AK8: variants seen among roughly 807,000 people sequenced by gnomAD.
The protein encoded by AK8 is ATP-AMP transphosphorylase 8.
Under a neutral mutation model 54.6 loss-of-function variants are expected in AK8, and 44 were observed. That is an observed-to-expected ratio of 0.81 (90% confidence interval 0.63 to 1.04). The LOEUF (loss-of-function observed/expected upper bound fraction) is 1.04. AK8 is among the 50% of genes least tolerant of loss of function. AK8 has a pLI of 0.00. For missense variants in AK8, 555 were observed against 613.6 expected (o/e 0.90, Z 1.01); for synonymous variants, 239 against 245.6 (o/e 0.97, Z 0.25).
chr9:132,754,572 C>T (rs958407206), intron 11 of AK8, among the ~76,000 whole-genome samples: 1 of 152,166 alleles, frequency 6.6e-6, no homozygotes, highest in Non-Finnish European at 1.5e-5. Context: ...GTAAAACTTT[C>T]AATGGCCATT....
At chr9:132,767,259 G>C (rs1427554967) in intron 11 of AK8, among the ~76,000 whole-genome samples, 1 of 152,114 alleles carries the variant, frequency 6.6e-6, no homozygotes, top group African/African-American at 2.4e-5. Context: ...GAATACACAG[G>C]AACTCAATAG....
At chr9:132,836,672 C>T (rs538898491) in intron 5 of AK8, among the ~76,000 whole-genome samples, 29 of 152,302 alleles carry the variant, frequency 1.9e-4, no homozygotes, top group African/African-American at 6.5e-4. Flanking sequence ...TGCACCACCA[C>T]GCCCAGCTGG....
chr9:132,783,334 G>A (rs1839560546), intron 11 of AK8, among the ~76,000 whole-genome samples: 1 of 152,168 alleles, frequency 6.6e-6, no homozygotes, highest in Non-Finnish European at 1.5e-5. Context: ...AGGAAGGAAT[G>A]CAGCCCTGGC....
chr9:132,757,465 G>T (rs567653358), intron 11 of AK8, among the ~76,000 whole-genome samples: 1 of 152,316 alleles, frequency 6.6e-6, no homozygotes, highest in East Asian at 1.9e-4. Flanking sequence ...GGGGCCTACT[G>T]GTTAATCCCA....
intron 11 of AK8, among the ~76,000 whole-genome samples, chr9:132,744,669 C>G (rs1029614990): frequency 7.9e-5 from 12 of 152,072 alleles, no homozygotes; most frequent in African/African-American, 2.7e-4. Flanking sequence ...ATCAAGAGAA[C>G]CCCAATATGT....
At chr9:132,834,807 G>A (rs766108515) in intron 5 of AK8, among the ~76,000 whole-genome samples, 46 of 151,936 alleles carry the variant, frequency 3.0e-4, no homozygotes, top group Non-Finnish European at 2.5e-4. Context: ...GCAGCCTACA[G>A]GCCAATGATC....
At chr9:132,814,488 C>T in intron 10 of AK8, 150 bp downstream of exon 10, 2 of 707,420 alleles carry the variant, frequency 2.8e-6, no homozygotes, top group Non-Finnish European at 4.5e-6. Context: ...CGGAAGCAAG[C>T]AGCAGAGCCT....
At chr9:132,874,380 C>T (rs1236414127) in intron 2 of AK8, 1 of 152,324 alleles carries the variant, frequency 6.6e-6, no homozygotes, top group Non-Finnish European at 1.5e-5. Context: ...TCTCTGGGCT[C>T]TGTCCTCAGC....
chr9:132,806,395 T>C (rs1840725992), intron 10 of AK8, among the ~76,000 whole-genome samples: 1 of 152,134 alleles, frequency 6.6e-6, no homozygotes, highest in Admixed American at 6.5e-5. Context: ...ATTATACCCC[T>C]GTGAGTCTAT....
Position 132,878,138 on chromosome 9 carries a change from G to A in AK8, c.84+34C>T. 6.5e-7 allele frequency: 1 copy of A among 1,534,784 alleles called. No homozygotes were observed. The highest frequency in any genetic ancestry group is 1.2e-5 in the South Asian group (1 of 80,892). On this transcript the variant is annotated intron_variant, in intron 1 of 12. Transcript: ENST00000298545. The surrounding 1 kb of genome is among the most constrained non-coding windows in gnomAD (Gnocchi z 4.7). ...TCGCAGTGGAGGCTCCCGAGCCGCCGCCAGCGTCGCGACGGGCAGGGGTGT... is the reference window on the plus strand; with the variant it reads ...TCGCAGTGGAGGCTCCCGAGCCGCCACCAGCGTCGCGACGGGCAGGGGTGT...
At chr9:132,842,674 G>C (rs1483124944) in intron 5 of AK8, among the ~76,000 whole-genome samples, 1 of 152,248 alleles carries the variant, frequency 6.6e-6, no homozygotes. Flanking sequence ...TTTTCAAGGA[G>C]TCTGAGCACA....
chr9:132,823,192 C>G lies in AK8; in HGVS notation c.889+13G>C. ...CTCTCGAAGCTGGGCAGCCCAGCAC[C>G]TGGGGCACTCACCATTGACAAGCCT... On this transcript the variant is annotated intron_variant, in intron 9 of 12. Transcript: ENST00000298545. The G allele has an allele frequency of 6.4e-7, 1 of 1,554,930 alleles. No individual in the cohort carries two copies. Among genetic ancestry groups the G allele is most frequent in the Non-Finnish European group, 8.7e-7 (1 of 1,153,360 alleles).
chr9:132,814,465 C>G (rs529008939), intron 10 of AK8, among the ~76,000 whole-genome samples, 173 bp downstream of exon 10: 23 of 152,154 alleles, frequency 1.5e-4, no homozygotes, highest in African/African-American at 5.1e-4. Flanking sequence ...GCTCAGACAC[C>G]AAGAGGCCTT....
chr9:132,742,900 A>G (rs1043754942), intron 11 of AK8, among the ~76,000 whole-genome samples: 2 of 152,194 alleles, frequency 1.3e-5, no homozygotes, highest in Non-Finnish European at 2.9e-5. Context: ...GAGTTCAGCA[A>G]CCAATCCAAG....
chr9:132,794,036 C>T (rs750260301), intron 10 of AK8, among the ~76,000 whole-genome samples: 6 of 152,162 alleles, frequency 3.9e-5, no homozygotes, highest in South Asian at 2.1e-4. Flanking sequence ...CACTGCCAGC[C>T]GTTTTCCCTG....
chr9:132,859,340 C>A (rs214637), intron 4 of AK8, among the ~76,000 whole-genome samples: 2 of 151,796 alleles, frequency 1.3e-5, no homozygotes, highest in African/African-American at 4.8e-5. Context: ...CTGCAGCCTC[C>A]ACCTCCCAGG....
chr9:132,740,870 G>C (rs1161719101), intron 11 of AK8, among the ~76,000 whole-genome samples: 2 of 152,182 alleles, frequency 1.3e-5, no homozygotes, highest in African/African-American at 4.8e-5. Flanking sequence ...TGATGGATGG[G>C]GATGCAGAAG....
chr9:132,792,919 A>T (rs577445119), intron 10 of AK8, 144 bp from the exon 11 acceptor site: 2 of 1,056,284 alleles, frequency 1.9e-6, no homozygotes, highest in East Asian at 5.5e-5. Context: ...CAAGGTTGTC[A>T]GTGCCTATTT....
At chr9:132,801,063 T>C (rs1840432185) in intron 10 of AK8, among the ~76,000 whole-genome samples, 1 of 152,126 alleles carries the variant, frequency 6.6e-6, no homozygotes, top group Admixed American at 6.5e-5. Flanking sequence ...TGACTGGGAT[T>C]ACAGAAGTGC....
Sources: gnomAD v4.1 joint callset for allele counts (sites outside exome capture counted in the v4.1 genomes callset) on GRCh38, gnomAD v4.1.1 for gene constraint, Gnocchi (gnomAD v3.1) non-coding constraint, MANE v1.5 for transcripts, NCBI Gene and HGNC (gene_info 2026-07-23, HGNC 2026-07-21) for gene names.